PLCB1: variants seen among roughly 807,000 people sequenced by gnomAD.
The protein encoded by PLCB1 is 1-phosphatidylinositol 4,5-bisphosphate phosphodiesterase beta-1.
A neutral mutation model predicts 161.8 loss-of-function variants in PLCB1; 46 were observed. The observed-to-expected ratio is 0.28, with a 90% CI of 0.22 to 0.36. PLCB1 has a LOEUF of 0.36. Ranked by LOEUF, PLCB1 falls within the 10% of genes least tolerant of loss-of-function variation. PLCB1 has a pLI of 1.00. For synonymous variants in PLCB1, 517 were observed against 503.7 expected, an observed-to-expected ratio of 1.03 and a Z score of -0.35; for missense variants, 1,016 against 1,472.5, an observed-to-expected ratio of 0.69 and a Z score of 5.07.
At chr20:8,590,346 G>T (rs529343893) in intron 3 of PLCB1, among the ~76,000 whole-genome samples, 5 of 152,096 alleles carry the variant, frequency 3.3e-5, no homozygotes, top group Non-Finnish European at 7.4e-5. Flanking sequence ...AGAAATATCA[G>T]TTGGGTTAAT....
At chr20:8,469,294 T>C (rs1220263092) in intron 3 of PLCB1, among the ~76,000 whole-genome samples, 5 of 152,156 alleles carry the variant, frequency 3.3e-5, no homozygotes, top group Non-Finnish European at 7.4e-5. Flanking sequence ...AGATTATATA[T>C]AGGAGAACAA....
In PLCB1 at chr20:8,733,510, C is replaced by T. The variant is rs955367991; in HGVS notation, c.2043+118C>T. 3 of 904,746 alleles carry T rather than the reference C, an allele frequency of 3.3e-6. No homozygotes were observed. The African/African-American group carries it at 5.1e-5, about 15-fold the overall frequency. The allele number at this position is 904,746 out of a possible 1,614,324, so 56.0% of individuals were successfully genotyped here. A position where few individuals can be genotyped will look rare whatever the true frequency, so the allele number is the denominator to read the frequency against. ...AACTAGGAAAGATTCTACTTTCTTCCTACATTTTTTTTCTCTAAAGATCAA... is the reference window on the plus strand; with the variant it reads ...AACTAGGAAAGATTCTACTTTCTTCTTACATTTTTTTTCTCTAAAGATCAA... On this transcript the variant is annotated intron_variant, in intron 19 of 31. Transcript: ENST00000338037.
intron 3 of PLCB1, among the ~76,000 whole-genome samples, chr20:8,525,855 A>G (rs1273623823): frequency 4.0e-5 from 6 of 151,178 alleles, no homozygotes; most frequent in Non-Finnish European, 8.8e-5. Flanking sequence ...CTGTAGCTCT[A>G]TTCTGTTAAA....
chr20:8,200,559 A>G (rs2052082085), intron 2 of PLCB1, among the ~76,000 whole-genome samples: 1 of 152,038 alleles, frequency 6.6e-6, no homozygotes, highest in Non-Finnish European at 1.5e-5. Context: ...ATTCTTGTGT[A>G]TAGGAATGCT....
At chr20:8,314,269 T>A (rs1984536050) in intron 2 of PLCB1, among the ~76,000 whole-genome samples, 1 of 152,142 alleles carries the variant, frequency 6.6e-6, no homozygotes, top group Non-Finnish European at 1.5e-5. Context: ...AGGAAGGGGA[T>A]AGGCCATTCA....
intron 31 of PLCB1, among the ~76,000 whole-genome samples, chr20:8,866,743 A>G (rs542779350): frequency 1.3e-5 from 2 of 152,256 alleles, no homozygotes; most frequent in South Asian, 2.1e-4. Flanking sequence ...GAGAAATCCC[A>G]TCATTGTTTT....
chr20:8,729,871 A>G (rs1259364148), intron 18 of PLCB1: 2 of 152,020 alleles, frequency 1.3e-5, no homozygotes, highest in Non-Finnish European at 2.9e-5. Flanking sequence ...AGCAATGTTT[A>G]ATATGACGTG....
intron 9 of PLCB1, among the ~76,000 whole-genome samples, chr20:8,683,494 C>T (rs1255199334): frequency 3.3e-5 from 5 of 151,940 alleles, no homozygotes; most frequent in Non-Finnish European, 7.4e-5. Context: ...ATTGAAGAAA[C>T]AAATTGTAGT....
At chr20:8,644,683 C>T (rs1989098917) in intron 4 of PLCB1, among the ~76,000 whole-genome samples, 1 of 151,824 alleles carries the variant, frequency 6.6e-6, no homozygotes, top group African/African-American at 2.4e-5. Context: ...GCCCGGCAGC[C>T]GCCCCGTCCG....
intron 2 of PLCB1, among the ~76,000 whole-genome samples, chr20:8,152,503 A>G (rs2051519701): frequency 6.6e-6 from 1 of 152,030 alleles, no homozygotes; most frequent in African/African-American, 2.4e-5. Context: ...TTTGCATAAG[A>G]TCATTTGAAG....
chr20:8,282,755 T>C (rs1179114123), intron 2 of PLCB1, among the ~76,000 whole-genome samples: 1 of 152,206 alleles, frequency 6.6e-6, no homozygotes, highest in African/African-American at 2.4e-5. Flanking sequence ...AAGCCAAAGT[T>C]GGATCTTGTC....
intron 31 of PLCB1, among the ~76,000 whole-genome samples, chr20:8,827,117 G>C (rs1985743951): frequency 6.6e-6 from 1 of 152,188 alleles, no homozygotes; most frequent in African/African-American, 2.4e-5. Context: ...TATACTATAT[G>C]ATAGTTTTCA....
At chr20:8,213,387 G>A (rs370643171) in intron 2 of PLCB1, among the ~76,000 whole-genome samples, 1 of 152,162 alleles carries the variant, frequency 6.6e-6, no homozygotes, top group African/African-American at 2.4e-5. Context: ...AGCTCCAAAG[G>A]TGAGTAAGAA....
chr20:8,480,304 A>T (rs1470427197), intron 3 of PLCB1, among the ~76,000 whole-genome samples: 2 of 72,754 alleles, frequency 2.7e-5, no homozygotes, highest in Admixed American at 3.3e-4. Context: ...CACAAAATGG[A>T]GAGAAAAACA....
In PLCB1 at chr20:8,354,079, A is replaced by G. The variant is rs1367308044; in HGVS notation, c.178-17303A>G. 2.0e-5 allele frequency among the ~76,000 whole-genome samples: 3 copies of G among 151,934 alleles called. 1 individual carries two copies. The highest frequency in any genetic ancestry group is 2.0e-4 in the Admixed American group (3 of 15,234). ...CGTGGTGGCCTGGGGCTGGAAGTGA[A>G]GGTTAGAGAATGGAGAGTTATTGCT... On this transcript the variant is annotated intron_variant, in intron 2 of 31. Coordinates refer to ENST00000338037, the MANE Select transcript of PLCB1 (RefSeq NM_015192.4).
chr20:8,851,448 T>C (rs1343084884), intron 31 of PLCB1, among the ~76,000 whole-genome samples: 3 of 152,262 alleles, frequency 2.0e-5, no homozygotes, highest in South Asian at 2.1e-4. Context: ...AGATTTATAC[T>C]GGGCTGCAAA....
chr20:8,831,576 T>C (rs971600823), intron 31 of PLCB1, among the ~76,000 whole-genome samples: 1 of 152,246 alleles, frequency 6.6e-6, no homozygotes, highest in Non-Finnish European at 1.5e-5. Context: ...TTTATTGTAA[T>C]GTGCCTCATT....
At chr20:8,571,112 C>T (rs1986496398) in intron 3 of PLCB1, among the ~76,000 whole-genome samples, 1 of 152,154 alleles carries the variant, frequency 6.6e-6, no homozygotes, top group African/African-American at 2.4e-5. Context: ...GGGTGTCATG[C>T]AAAGAGCAAG....
chr20:8,463,175 GTGTGTGTC>G (rs1304065757), intron 3 of PLCB1, among the ~76,000 whole-genome samples: 8 of 151,344 alleles, frequency 5.3e-5, no homozygotes, highest in African/African-American at 1.9e-4. Flanking sequence ...GTGTGTGTGT[GTGTGTGTC>G]TGTGTATGTG....
Sources: allele counts gnomAD v4.1 joint callset (sites outside exome capture counted in the v4.1 genomes callset), GRCh38; gene constraint gnomAD v4.1.1; transcripts MANE v1.5; gene names NCBI Gene and HGNC (gene_info 2026-07-23, HGNC 2026-07-21).